SEMA3A: variants seen among roughly 807,000 people sequenced by gnomAD.
SEMA3A encodes semaphorin-3A.
A neutral mutation model predicts 97.9 loss-of-function variants in SEMA3A; 29 were observed. That is an observed-to-expected ratio of 0.30 (90% confidence interval 0.22 to 0.40). The LOEUF is 0.40. Ranked by LOEUF, SEMA3A falls within the 10% of genes least tolerant of loss-of-function variation. The pLI, the probability that SEMA3A is intolerant of heterozygous loss-of-function variation, is 1.00. For missense variants in SEMA3A, 763 were observed against 951.3 expected, an observed-to-expected ratio of 0.80 and a Z score of 2.60; for synonymous variants, 321 against 323.7, an observed-to-expected ratio of 0.99 and a Z score of 0.09.
In SEMA3A at chr7:84,426,091, G is replaced by A. The variant is rs144169642; in HGVS notation, c.-245-54191C>T. ...AGACTCAGGAAGGGAAGGGTGGGAG[G>A]GGCGTGAGGAATAAAAAACTACATA... On this transcript the variant is annotated intron_variant, in intron 1 of 3. Transcript: ENST00000424555. Among the ~76,000 whole-genome samples the A allele has an allele frequency of 7.2e-3, 1,092 of 151,858 alleles. 9 individuals are homozygous for A. Among genetic ancestry groups the A allele is most frequent in the Non-Finnish European group, 0.011 (762 of 67,936 alleles).
chr7:84,215,906 T>G (rs1259611771), intron 3 of SEMA3A, among the ~76,000 whole-genome samples: 2 of 151,918 alleles, frequency 1.3e-5, no homozygotes, highest in African/African-American at 4.8e-5. Flanking sequence ...CAGTTAAAAA[T>G]GTATATGTGT....
intron 6 of SEMA3A, among the ~76,000 whole-genome samples, chr7:84,039,217 G>GT (rs1792045864): frequency 2.0e-5 from 3 of 152,118 alleles, no homozygotes; most frequent in Admixed American, 2.0e-4. Context: ...CAGAAAAACA[G>GT]TATGAGATAT....
chr7:84,383,509 T>C (rs1803321438), intron 1 of SEMA3A, among the ~76,000 whole-genome samples: 1 of 152,210 alleles, frequency 6.6e-6, no homozygotes, highest in African/African-American at 2.4e-5. Context: ...AAATTACAGC[T>C]ATAGCAAATT....
intron 1 of SEMA3A, among the ~76,000 whole-genome samples, chr7:84,155,893 T>C (rs544054279): frequency 6.6e-6 from 1 of 152,146 alleles, no homozygotes; most frequent in Non-Finnish European, 1.5e-5. Context: ...AACCCTATGA[T>C]AGATTTATGA....
chr7:84,002,004 G>A lies in SEMA3A; in HGVS notation c.1403C>T (p.Thr468Ile). ...VLKVVSIPKE[T>I]WYDLEEVLLE... ...CAGAACCTCTTCTAAATCATACCAAGTCTCCTTAGGAATTGAAACTACTTT... is the reference window on the plus strand; with the variant it reads ...CAGAACCTCTTCTAAATCATACCAAATCTCCTTAGGAATTGAAACTACTTT... Residue 468 changes from threonine to isoleucine, a missense_variant, in exon 12 of 17, where the codon ACT becomes ATT. Transcript: ENST00000265362. 6.2e-7 allele frequency: 1 copy of A among 1,612,502 alleles called. No homozygotes were observed. Among genetic ancestry groups the A allele is most frequent in the Non-Finnish European group, 8.5e-7 (1 of 1,179,170 alleles).
intron 3 of SEMA3A, among the ~76,000 whole-genome samples, chr7:84,249,783 TAA>T (rs200411097): frequency 9.3e-5 from 13 of 140,250 alleles, no homozygotes; most frequent in East Asian, 2.0e-4. Flanking sequence ...GATTCCTTTC[TAA>T]AAAAAAAAAA....
chr7:84,294,264 T>G (rs1584210158), intron 3 of SEMA3A, among the ~76,000 whole-genome samples: 1 of 152,154 alleles, frequency 6.6e-6, no homozygotes, highest in African/African-American at 2.4e-5. Flanking sequence ...GCCTACTTCC[T>G]GGCACCATAG....
chr7:84,482,135 CTT>C, intron 1 of SEMA3A, among the ~76,000 whole-genome samples: 1 of 117,068 alleles, frequency 8.5e-6, no homozygotes, highest in Non-Finnish European at 1.7e-5. Flanking sequence ...CTATTTCAAA[CTT>C]CTCATCGTAT....
At chr7:84,142,881 C>T (rs533202987) in intron 1 of SEMA3A, among the ~76,000 whole-genome samples, 21 of 152,232 alleles carry the variant, frequency 1.4e-4, no homozygotes, top group Non-Finnish European at 3.1e-4. Context: ...GAATTCACTC[C>T]TTTTTCTTCT....
intron 2 of SEMA3A, among the ~76,000 whole-genome samples, chr7:84,316,374 CA>C (rs1801500847): frequency 6.6e-6 from 1 of 151,374 alleles, no homozygotes; most frequent in African/African-American, 2.4e-5. Flanking sequence ...TTAATATTTT[CA>C]AGTAACGATA....
intron 2 of SEMA3A, among the ~76,000 whole-genome samples, chr7:84,340,117 C>A (rs1401069052): frequency 6.6e-6 from 1 of 151,998 alleles, no homozygotes; most frequent in African/African-American, 2.4e-5. Context: ...GACTATTTAA[C>A]TCCTATAAAG....
intron 6 of SEMA3A, among the ~76,000 whole-genome samples, chr7:84,038,508 T>C (rs1163511075): frequency 6.6e-6 from 1 of 152,128 alleles, no homozygotes; most frequent in Non-Finnish European, 1.5e-5. Flanking sequence ...AAACTGCAGT[T>C]ATTCTCATTT....
At chr7:84,245,102 C>T (rs1799449948) in intron 3 of SEMA3A, among the ~76,000 whole-genome samples, 1 of 151,988 alleles carries the variant, frequency 6.6e-6, no homozygotes, top group Non-Finnish European at 1.5e-5. Flanking sequence ...CTTTGTGGTG[C>T]TCGCTGTATT....
chr7:84,482,866 T>TTTG (rs992729772), intron 1 of SEMA3A, among the ~76,000 whole-genome samples: 1 of 149,428 alleles, frequency 6.7e-6, no homozygotes, highest in African/African-American at 2.4e-5. Context: ...AAATTCTAGT[T>TTTG]TTTTTTTTTT....
intron 2 of SEMA3A, among the ~76,000 whole-genome samples, chr7:84,312,976 T>A (rs141259321): frequency 0.015 from 2,025 of 136,490 alleles, 73 homozygotes; most frequent in African/African-American, 0.054. Flanking sequence ...TTGTATATAA[T>A]ATACATTATA....
chr7:84,309,113 C>T (rs1436794715), intron 2 of SEMA3A, among the ~76,000 whole-genome samples: 2 of 152,044 alleles, frequency 1.3e-5, no homozygotes, highest in Admixed American at 6.6e-5. Context: ...CTACCACGCC[C>T]GGCCAAAATA....
At chr7:84,187,816 A>G (rs2116257614) in intron 1 of SEMA3A, among the ~76,000 whole-genome samples, 1 of 152,246 alleles carries the variant, frequency 6.6e-6, no homozygotes, top group African/African-American at 2.4e-5. Flanking sequence ...TCATTCAACA[A>G]TGAATAATTC....
At chr7:84,067,258 T>C (rs905278323) in intron 4 of SEMA3A, among the ~76,000 whole-genome samples, 2 of 152,120 alleles carry the variant, frequency 1.3e-5, no homozygotes, top group South Asian at 2.1e-4. Flanking sequence ...TTACACCTTA[T>C]ACAAAAATCA....
intron 2 of SEMA3A, among the ~76,000 whole-genome samples, chr7:84,341,900 C>T (rs1771611376): frequency 6.6e-6 from 1 of 152,084 alleles, no homozygotes; most frequent in South Asian, 2.1e-4. Context: ...GGAGTTTATG[C>T]CCCTCACGCT....
Sources: allele counts gnomAD v4.1 joint callset (sites outside exome capture counted in the v4.1 genomes callset), GRCh38; gene constraint gnomAD v4.1.1; transcripts MANE v1.5; gene names NCBI Gene and HGNC (gene_info 2026-07-23, HGNC 2026-07-21).